The following CLVS1 variants were observed in gnomAD, a reference collection of about 807,000 sequenced individuals.
The protein encoded by CLVS1 is clavesin-1.
Under a neutral mutation model 33.1 loss-of-function variants are expected in CLVS1, and 10 were observed. The ratio of observed to expected loss-of-function variants is 0.30; its 90% CI spans 0.19 to 0.51. CLVS1 has a LOEUF of 0.51. Ranked by LOEUF, CLVS1 falls within the 20% of genes least tolerant of loss-of-function variation. The pLI is 0.97. For missense variants in CLVS1, 343 were observed against 433.4 expected (o/e 0.79, Z 1.85); for synonymous variants, 163 against 166.1 (o/e 0.98, Z 0.14).
chr8:61,062,544 C>A (rs546598883), intron 1 of CLVS1, among the ~76,000 whole-genome samples: 1 of 152,268 alleles, frequency 6.6e-6, no homozygotes, highest in South Asian at 2.1e-4. Context: ...TGCAATAAGC[C>A]TTTCTTACCT....
At chr8:61,446,761 C>T (rs1816770440) in intron 3 of CLVS1, among the ~76,000 whole-genome samples, 1 of 151,962 alleles carries the variant, frequency 6.6e-6, no homozygotes, top group Non-Finnish European at 1.5e-5. Context: ...GAGAAAAAAA[C>T]ATTCAAACCA....
At chr8:61,103,241 T>C (rs1283881207) in intron 1 of CLVS1, among the ~76,000 whole-genome samples, 1 of 152,148 alleles carries the variant, frequency 6.6e-6, no homozygotes, top group Non-Finnish European at 1.5e-5. Flanking sequence ...CTGGTGAAGA[T>C]CTAGGTGTAA....
intron 5 of CLVS1, among the ~76,000 whole-genome samples, chr8:61,466,045 T>C (rs1817537312): frequency 2.0e-5 from 3 of 152,230 alleles, no homozygotes; most frequent in Non-Finnish European, 2.9e-5. Flanking sequence ...TAGGAGTGTA[T>C]GTGTGAAGCA....
At position 61,499,607 on chromosome 8, in the gene CLVS1, A is replaced by G. The variant is rs939053440; in HGVS notation, c.*65A>G. On this transcript the variant is annotated 3_prime_UTR_variant, in exon 6 of 6. Coordinates refer to ENST00000325897, the MANE Select transcript of CLVS1 (RefSeq NM_173519.3). ...GTGGTATCAGCCACCCAGGAAGCAC[A>G]TGCACAACTGACCCATGCAGACACG... 3.4e-6 allele frequency: 4 copies of G among 1,189,456 alleles called. 1 individual carries two copies. The highest frequency in any genetic ancestry group is 5.0e-6 in the Non-Finnish European group (4 of 796,350). 73.7% of individuals were successfully genotyped at this position (1,189,456 alleles called of 1,614,324 possible). A position where few individuals can be genotyped will look rare whatever the true frequency, so the allele number is the denominator to read the frequency against.
chr8:61,422,369 A>G (rs984173139), intron 3 of CLVS1, among the ~76,000 whole-genome samples: 18 of 152,336 alleles, frequency 1.2e-4, no homozygotes, highest in African/African-American at 3.6e-4. Flanking sequence ...CACGTGAAGC[A>G]TGTGTGATGT....
chr8:61,418,287 A>C (rs1260388256), intron 3 of CLVS1, among the ~76,000 whole-genome samples: 1 of 152,072 alleles, frequency 6.6e-6, no homozygotes, highest in Non-Finnish European at 1.5e-5. Context: ...GATCGCTTGA[A>C]CCCACGAGTT....
chr8:61,218,094 GT>G lies in CLVS1; in HGVS notation c.-151-81580del, dbSNP rs58001875. Among the ~76,000 whole-genome samples the G allele has an allele frequency of 0.038, 5,767 of 152,148 alleles. 566 individuals are homozygous for G. In the East Asian group the frequency reaches 0.41, roughly 11 times the overall value. ...AGCCACTATGGAGAACAGTATAGAG[GT>G]TTCTGAAAAAACTACCAATAGAAAT... is the stretch of plus-strand genomic sequence containing the variant. On this transcript the variant is annotated intron_variant, in intron 2 of 2. Transcript: ENST00000522621.
chr8:61,102,885 G>A (rs1177609518), intron 1 of CLVS1, among the ~76,000 whole-genome samples: 3 of 152,278 alleles, frequency 2.0e-5, no homozygotes, highest in East Asian at 3.9e-4. Context: ...AAACAAAAAG[G>A]CAGCTCTCAG....
In CLVS1 at chr8:61,079,968, TTA is replaced by T. The variant is rs560041055; in HGVS notation, c.-243+22740_-243+22741del. Among the ~76,000 whole-genome samples the T allele has an allele frequency of 7.2e-5, 11 of 152,352 alleles. No homozygotes were observed. The East Asian group carries it at 2.1e-3, about 29-fold the overall frequency. The stretch of plus-strand genomic sequence containing the variant: ...TGGCTAAGAATATTGATGCTGATTA[TTA>T]TTGAAGCTGTGTTGTTTCTAAAGAG... On this transcript the variant is annotated intron_variant, in intron 1 of 2. Coordinates refer to the CLVS1 transcript ENST00000522621.
chr8:61,432,668 A>G lies in CLVS1; in HGVS notation c.631-21473A>G, dbSNP rs141674650. Among the ~76,000 whole-genome samples the G allele has an allele frequency of 6.3e-3, 959 of 152,320 alleles. 15 individuals carry two copies. The highest frequency in any genetic ancestry group is 0.022 in the African/African-American group (902 of 41,564). On this transcript the variant is annotated intron_variant, in intron 3 of 5. Coordinates refer to ENST00000325897, the MANE Select transcript of CLVS1 (RefSeq NM_173519.3). Reference sequence around the variant, plus strand: ...CGAGTCTGTGGTACTTTCTTATGATAATGCCAGCAAACTAATATAAATATC... The same window carrying G: ...CGAGTCTGTGGTACTTTCTTATGATGATGCCAGCAAACTAATATAAATATC...
At chr8:61,154,346 T>C (rs1262788559) in intron 2 of CLVS1, among the ~76,000 whole-genome samples, 1 of 152,132 alleles carries the variant, frequency 6.6e-6, no homozygotes, top group Non-Finnish European at 1.5e-5. Flanking sequence ...CAAAATCAAA[T>C]GCAGTGGAGG....
chr8:61,343,776 T>G (rs546638303), intron 2 of CLVS1, among the ~76,000 whole-genome samples: 1 of 152,216 alleles, frequency 6.6e-6, no homozygotes, highest in South Asian at 2.1e-4. Context: ...AGAGGCAAAA[T>G]TTTTCATTTT....
chr8:61,079,704 G>C (rs901273680), intron 1 of CLVS1, among the ~76,000 whole-genome samples: 7 of 152,002 alleles, frequency 4.6e-5, no homozygotes, highest in African/African-American at 1.2e-4. Context: ...GAAGGTCAGA[G>C]ATTTAAAACA....
the CLVS1 span, among the ~76,000 whole-genome samples, chr8:61,036,105 A>G: frequency 3.9e-5 from 6 of 152,336 alleles, no homozygotes; most frequent in South Asian, 1.2e-3. Flanking sequence ...GCATTAAAGC[A>G]TTTGTATTGG....
At chr8:61,387,430 T>C (rs893177079) in intron 3 of CLVS1, among the ~76,000 whole-genome samples, 1 of 149,810 alleles carries the variant, frequency 6.7e-6, no homozygotes, top group Non-Finnish European at 1.5e-5. Context: ...TTGTTAGCCC[T>C]TTATAGCCCA....
At chr8:61,422,359 C>T (rs1815712804) in intron 3 of CLVS1, among the ~76,000 whole-genome samples, 1 of 152,116 alleles carries the variant, frequency 6.6e-6, no homozygotes, top group African/African-American at 2.4e-5. Context: ...GGGTCTGCAG[C>T]ACGTGAAGCA....
intron 3 of CLVS1, among the ~76,000 whole-genome samples, chr8:61,379,349 C>T (rs1038771331): frequency 1.3e-5 from 2 of 152,162 alleles, no homozygotes; most frequent in East Asian, 3.9e-4. Context: ...GAATTTTGGG[C>T]CTTGGGTTAT....
chr8:61,227,223 A>G (rs1383572802), intron 2 of CLVS1, among the ~76,000 whole-genome samples: 1 of 152,100 alleles, frequency 6.6e-6, no homozygotes. Context: ...GCTATTTTGA[A>G]TTAATTCTCA....
At chr8:61,079,500 G>A (rs550539965) in intron 1 of CLVS1, among the ~76,000 whole-genome samples, 1 of 152,318 alleles carries the variant, frequency 6.6e-6, no homozygotes, top group Admixed American at 6.5e-5. Flanking sequence ...TGGGTCTCCT[G>A]TGCCTCATTC....
Sources: allele counts gnomAD v4.1 joint callset (sites outside exome capture counted in the v4.1 genomes callset), GRCh38; gene constraint gnomAD v4.1.1; transcripts MANE v1.5; gene names NCBI Gene and HGNC (gene_info 2026-07-23, HGNC 2026-07-21).